The following DISC1 variants were observed in gnomAD, a reference collection of about 807,000 sequenced individuals.
DISC1 encodes the protein disrupted in schizophrenia 1 protein.
In DISC1, 57 loss-of-function variants were observed where a neutral mutation model predicts 84.5. The observed-to-expected ratio is 0.67, with a 90% CI of 0.55 to 0.84. The LOEUF is 0.84. DISC1 is among the 40% of genes least tolerant of loss of function. The probability of loss-of-function intolerance (pLI) is 0.00; values close to 1 mark genes in which losing one functional copy is unlikely to be tolerated. For synonymous variants in DISC1, 411 were observed against 415.2 expected (o/e 0.99, Z 0.12); for missense variants, 1,000 against 1,057.8 (o/e 0.95, Z 0.76).
At chr1:231,946,334 C>T (rs1414984519) in intron 9 of DISC1, among the ~76,000 whole-genome samples, 2 of 152,202 alleles carry the variant, frequency 1.3e-5, no homozygotes, top group Non-Finnish European at 2.9e-5. Flanking sequence ...CATAATCCAT[C>T]ACATAATCAG....
intron 10 of DISC1, among the ~76,000 whole-genome samples, chr1:231,962,979 C>A (rs1216512111): frequency 6.6e-6 from 1 of 152,196 alleles, no homozygotes. Flanking sequence ...GTGGGCCCCT[C>A]TTCTGATCAT....
chr1:231,704,483 G>A (rs1488934162), intron 3 of DISC1, among the ~76,000 whole-genome samples: 7 of 152,288 alleles, frequency 4.6e-5, no homozygotes, highest in Non-Finnish European at 8.8e-5. Context: ...TGGGCTGGGC[G>A]CGGTGGCTCA....
At chr1:231,946,157 A>G (rs955488721) in intron 9 of DISC1, among the ~76,000 whole-genome samples, 2 of 152,178 alleles carry the variant, frequency 1.3e-5, no homozygotes, top group Non-Finnish European at 2.9e-5. Context: ...AGACACCACA[A>G]AAAAAGAAAA....
intron 10 of DISC1, among the ~76,000 whole-genome samples, chr1:231,965,655 C>T (rs1312801167): frequency 6.6e-6 from 1 of 152,238 alleles, no homozygotes; most frequent in Admixed American, 6.5e-5. Context: ...TGAGGTGGTT[C>T]CAGGCTACTG....
chr1:231,767,357 C>T, intron 5 of DISC1, 88 bp downstream of exon 5: 1 of 1,547,338 alleles, frequency 6.5e-7, no homozygotes. Context: ...GGTTGGAGGG[C>T]AGTGGTGCAA....
chr1:231,972,022 G>T (rs191224505), intron 10 of DISC1, among the ~76,000 whole-genome samples: 1 of 152,172 alleles, frequency 6.6e-6, no homozygotes, highest in Non-Finnish European at 1.5e-5. Flanking sequence ...GAACATGCTG[G>T]TTATCAGCTG....
intron 9 of DISC1, among the ~76,000 whole-genome samples, chr1:231,914,466 G>A (rs2089476260): frequency 6.6e-6 from 1 of 152,196 alleles, no homozygotes; most frequent in African/African-American, 2.4e-5. Context: ...TCACAGCTCT[G>A]CTCGGCTTCT....
At chr1:231,941,297 C>T (rs2091325788) in intron 9 of DISC1, among the ~76,000 whole-genome samples, 1 of 152,144 alleles carries the variant, frequency 6.6e-6, no homozygotes, top group Non-Finnish European at 1.5e-5. Flanking sequence ...AGCCGGCTCC[C>T]ACATTCCCAC....
intron 9 of DISC1, among the ~76,000 whole-genome samples, chr1:231,829,647 G>A (rs959863016): frequency 3.3e-5 from 5 of 152,234 alleles, no homozygotes; most frequent in South Asian, 4.1e-4. Context: ...CACCATGCCC[G>A]GCCTACTTTT....
At chr1:231,804,580 T>C (rs915310664) in intron 8 of DISC1, among the ~76,000 whole-genome samples, 2 of 152,024 alleles carry the variant, frequency 1.3e-5, no homozygotes, top group Non-Finnish European at 2.9e-5. Context: ...CCTTAGCCTC[T>C]GGAGTCACGG....
chr1:231,903,675 C>T (rs2088381978), intron 9 of DISC1, among the ~76,000 whole-genome samples: 2 of 152,140 alleles, frequency 1.3e-5, no homozygotes, highest in Non-Finnish European at 2.9e-5. Flanking sequence ...GCAGAGGGAG[C>T]CTCAAGGCCT....
intron 9 of DISC1, among the ~76,000 whole-genome samples, chr1:231,904,233 T>C (rs2088444067): frequency 6.6e-6 from 1 of 152,254 alleles, no homozygotes; most frequent in South Asian, 2.1e-4. Flanking sequence ...AGCTACATGT[T>C]GTTCCAGGCC....
intron 9 of DISC1, among the ~76,000 whole-genome samples, chr1:231,888,810 C>T (rs1027965418): frequency 2.6e-5 from 4 of 151,916 alleles, no homozygotes; most frequent in African/African-American, 9.7e-5. Context: ...CTGCTGAGCA[C>T]CCATGCCCTT....
At chr1:231,840,425 G>C (rs564393295) in intron 9 of DISC1, among the ~76,000 whole-genome samples, 1 of 152,296 alleles carries the variant, frequency 6.6e-6, no homozygotes, top group East Asian at 1.9e-4. Context: ...TGAGTGGATA[G>C]AATAACAAAC....
intron 1 of DISC1, among the ~76,000 whole-genome samples, chr1:231,681,789 G>A (rs2063723633): frequency 6.6e-6 from 1 of 152,042 alleles, no homozygotes; most frequent in African/African-American, 2.4e-5. Flanking sequence ...TCCGCCTCCT[G>A]GGTTCAAGCG....
At chr1:231,667,689 GTGATGCTTC>G (rs1430252550) in intron 1 of DISC1, among the ~76,000 whole-genome samples, 1 of 152,120 alleles carries the variant, frequency 6.6e-6, no homozygotes, top group Non-Finnish European at 1.5e-5. Flanking sequence ...TCTGTCCTGC[GTGATGCTTC>G]TGTTGAATTA....
intron 4 of DISC1, among the ~76,000 whole-genome samples, chr1:231,764,801 C>T (rs2076037773): frequency 6.6e-6 from 1 of 152,180 alleles, no homozygotes; most frequent in African/African-American, 2.4e-5. Flanking sequence ...TTCTTATTCC[C>T]TACTCTCACC....
chr1:231,867,020 A>G (rs1420138772), intron 9 of DISC1, among the ~76,000 whole-genome samples: 2 of 152,166 alleles, frequency 1.3e-5, no homozygotes, highest in Non-Finnish European at 2.9e-5. Context: ...TAACACATAA[A>G]TCAACACAAT....
rs1211192692 is a variant in DISC1, at chr1:231,630,527, G to A, written c.67+3593G>A. On this transcript the variant is annotated intron_variant, in intron 1 of 12. Coordinates refer to ENST00000439617, the MANE Select transcript of DISC1 (RefSeq NM_018662.3). This position sits in a 1 kb window ranked among gnomAD's most constrained non-coding sequence, Gnocchi z 4.4. ...CTGTGTTCTCATGAATCCAAGCAGA[G>A]CCCACTGTTTCCAGAGATTCCCTTG... Among the ~76,000 whole-genome samples, 2 of 151,994 alleles carry A rather than the reference G, an allele frequency of 1.3e-5. No homozygotes were observed. Among genetic ancestry groups the A allele is most frequent in the African/African-American group, 2.4e-5 (1 of 41,378 alleles).
Sources: allele counts gnomAD v4.1 joint callset (sites outside exome capture counted in the v4.1 genomes callset), GRCh38; gene constraint gnomAD v4.1.1; non-coding constraint Gnocchi (gnomAD v3.1); transcripts MANE v1.5; gene names NCBI Gene and HGNC (gene_info 2026-07-23, HGNC 2026-07-21).